The following CHN2 variants were observed in gnomAD, a reference collection of about 807,000 sequenced individuals.
CHN2 encodes the protein chimerin 2.
A neutral mutation model predicts 56.3 loss-of-function variants in CHN2; 35 were observed. The observed-to-expected ratio is 0.62, with a 90% CI of 0.47 to 0.82. The LOEUF (loss-of-function observed/expected upper bound fraction) is 0.82, where lower values mean the gene tolerates loss of function less well. CHN2 is among the 40% of genes least tolerant of loss of function. The pLI is 0.00. For synonymous variants in CHN2, 210 were observed against 212.8 expected, an observed-to-expected ratio of 0.99 and a Z score of 0.12; for missense variants, 491 against 580.5, an observed-to-expected ratio of 0.85 and a Z score of 1.58.
chr7:29,214,128 A>G (rs768342340), intron 1 of CHN2, among the ~76,000 whole-genome samples: 3 of 152,174 alleles, frequency 2.0e-5, no homozygotes, highest in Non-Finnish European at 2.9e-5. Flanking sequence ...AAATGAGTCA[A>G]TTCGATCCGA....
chr7:29,423,769 C>A (rs147351302), intron 6 of CHN2, among the ~76,000 whole-genome samples: 2 of 152,222 alleles, frequency 1.3e-5, no homozygotes, highest in Non-Finnish European at 2.9e-5. Context: ...CCTGGGCTTA[C>A]GTCTCCTTTC....
chr7:29,452,750 A>T (rs887464060), intron 6 of CHN2, among the ~76,000 whole-genome samples: 11 of 151,162 alleles, frequency 7.3e-5, no homozygotes, highest in Non-Finnish European at 1.5e-4. Context: ...TGAATTGTCA[A>T]TAGCATGAAA....
chr7:29,204,764 G>A (rs1784405321), intron 1 of CHN2, among the ~76,000 whole-genome samples: 1 of 152,150 alleles, frequency 6.6e-6, no homozygotes, highest in Non-Finnish European at 1.5e-5. Context: ...AGGAGAGCCC[G>A]AGTCCTATGC....
At chr7:29,292,754 A>G in intron 1 of CHN2, 1 of 368,790 alleles carries the variant, frequency 2.7e-6, no homozygotes, top group South Asian at 2.0e-5. Context: ...GAAAAGTAAA[A>G]CACCCTGCAT....
intron 2 of CHN2, among the ~76,000 whole-genome samples, chr7:29,179,228 C>A (rs901997910): frequency 2.6e-5 from 4 of 152,336 alleles, no homozygotes; most frequent in Admixed American, 2.6e-4. Context: ...AAGGCTCCAT[C>A]CCCTCACACA....
chr7:29,257,975 G>T (rs1789215384), intron 1 of CHN2, among the ~76,000 whole-genome samples: 1 of 151,800 alleles, frequency 6.6e-6, no homozygotes, highest in Non-Finnish European at 1.5e-5. Flanking sequence ...CTAGAGATAG[G>T]GTCTTGCCGT....
In CHN2 at chr7:29,400,782, C is replaced by G. The variant is rs1244648257; in HGVS notation, c.530C>G (p.Pro177Arg). 4 of 1,613,982 alleles carry G rather than the reference C, an allele frequency of 2.5e-6. No homozygotes were observed. The highest frequency in any genetic ancestry group is 3.4e-6 in the Non-Finnish European group (4 of 1,179,988). The change falls in exon 6 of 13, where the codon CCA becomes CGA. Residue 177 changes from proline (P) to arginine (R), a missense_variant. Physicochemically the swap from Pro to Arg is moderately radical, Grantham distance 103. Transcript: ENST00000222792. ...SRRLSRSKNE[P>R]RKTNVTHEEH... ...AGGCTGAGCAGGTCTAAAAATGAACCAAGAAAAACAAACGTCACACATGAA... is the reference window on the plus strand; with the variant it reads ...AGGCTGAGCAGGTCTAAAAATGAACGAAGAAAAACAAACGTCACACATGAA...
chr7:29,418,635 G>A (rs946710122), intron 6 of CHN2, among the ~76,000 whole-genome samples: 1 of 152,176 alleles, frequency 6.6e-6, no homozygotes, highest in Non-Finnish European at 1.5e-5. Context: ...ATTGTGTTCT[G>A]GGCCACAGCC....
chr7:29,237,063 G>A (rs1180156389), intron 1 of CHN2, among the ~76,000 whole-genome samples: 1 of 152,180 alleles, frequency 6.6e-6, no homozygotes, highest in Non-Finnish European at 1.5e-5. Context: ...AAGGTGCCAA[G>A]GATGACAGTA....
chr7:29,196,254 C>T (rs1783702113), intron 1 of CHN2, among the ~76,000 whole-genome samples: 1 of 152,196 alleles, frequency 6.6e-6, no homozygotes, highest in Non-Finnish European at 1.5e-5. Flanking sequence ...TGAAAGCCAT[C>T]TGTTATCTTT....
At chr7:29,184,279 GAT>G (rs755790536) in intron 2 of CHN2, 23 of 150,294 alleles carry the variant, frequency 1.5e-4, no homozygotes, top group African/African-American at 4.9e-4. Context: ...GGATATATAT[GAT>G]ATATATATTT....
At chr7:29,325,341 C>T (rs1795715363) in intron 1 of CHN2, among the ~76,000 whole-genome samples, 1 of 152,194 alleles carries the variant, frequency 6.6e-6, no homozygotes, top group Non-Finnish European at 1.5e-5. Flanking sequence ...TGTTTTCGTC[C>T]TACCCATTCA....
intron 1 of CHN2, among the ~76,000 whole-genome samples, chr7:29,303,876 G>A (rs900268167): frequency 5.3e-5 from 8 of 152,090 alleles, no homozygotes; most frequent in Admixed American, 2.0e-4. Flanking sequence ...CCTGGCCAAC[G>A]TGGTGAAACC....
chr7:29,202,965 A>G (rs1584718814), intron 1 of CHN2, among the ~76,000 whole-genome samples: 1 of 152,156 alleles, frequency 6.6e-6, no homozygotes, highest in Admixed American at 6.5e-5. Context: ...TTGACCTCTA[A>G]GGGCCTGATT....
intron 2 of CHN2, chr7:29,185,395 T>C (rs1798586568): frequency 6.6e-6 from 1 of 152,238 alleles, no homozygotes; most frequent in African/African-American, 2.4e-5. Context: ...GATTTTATTC[T>C]ATTTTCTCAT....
intron 1 of CHN2, among the ~76,000 whole-genome samples, chr7:29,285,428 C>T (rs545289507): frequency 6.6e-6 from 1 of 152,304 alleles, no homozygotes; most frequent in South Asian, 2.1e-4. Context: ...CTGTGTTTCT[C>T]TTAGAGTCAG....
At chr7:29,363,821 G>C (rs1019931921) in intron 2 of CHN2, among the ~76,000 whole-genome samples, 2 of 152,084 alleles carry the variant, frequency 1.3e-5, no homozygotes, top group Non-Finnish European at 2.9e-5. Flanking sequence ...GATATCTTGG[G>C]AATGAGTAAT....
intron 2 of CHN2, among the ~76,000 whole-genome samples, chr7:29,149,670 G>C (rs1170014187): frequency 2.0e-5 from 3 of 152,156 alleles, no homozygotes; most frequent in Non-Finnish European, 4.4e-5. Flanking sequence ...TAAAGTGCCA[G>C]CAGGGCCAGG....
intron 2 of CHN2, among the ~76,000 whole-genome samples, chr7:29,172,450 C>T (rs914884097): frequency 6.6e-6 from 1 of 152,084 alleles, no homozygotes; most frequent in Non-Finnish European, 1.5e-5. Flanking sequence ...CATCATATTG[C>T]CACCCATTTA....
Sources: allele counts gnomAD v4.1 joint callset (sites outside exome capture counted in the v4.1 genomes callset), GRCh38; gene constraint gnomAD v4.1.1; transcripts MANE v1.5; gene names NCBI Gene and HGNC (gene_info 2026-07-23, HGNC 2026-07-21).